The following ODAD2 variants were observed in gnomAD, a reference collection of about 807,000 sequenced individuals.
ODAD2 encodes the protein outer dynein arm-docking complex subunit 2.
ODAD2 carries 89 observed loss-of-function variants against 106.8 expected under a neutral mutation model. That is an observed-to-expected ratio of 0.83 (90% CI 0.70 to 0.99). The LOEUF is 0.99. ODAD2 is among the 50% of genes least tolerant of loss of function. The pLI is 0.00. For synonymous variants in ODAD2, 404 were observed against 436.2 expected (o/e 0.93, Z 0.92); for missense variants, 1,168 against 1,238.5 (o/e 0.94, Z 0.85).
chr10:27,988,391 G>A (rs1588668616), intron 2 of ODAD2, among the ~76,000 whole-genome samples: 1 of 146,650 alleles, frequency 6.8e-6, no homozygotes, highest in East Asian at 2.0e-4. Flanking sequence ...GGATTGGAGT[G>A]CAGTGGCGTG....
In ODAD2 at chr10:27,936,988, A is replaced by C. The variant is rs554053230; in HGVS notation, c.2098-108T>G. ...AGCTAGGAAACTTCTTTCTAGAGAG[A>C]TCATTTTCGAAAGATGCCTCCAAGT... On this transcript the variant is annotated intron_variant, in intron 14 of 19. Coordinates refer to ENST00000305242, the MANE Select transcript of ODAD2 (RefSeq NM_018076.5). The C allele has an allele frequency of 4.9e-3, 5,484 of 1,117,500 alleles. 20 individuals are homozygous for C. Among genetic ancestry groups the C allele is most frequent in the Non-Finnish European group, 6.3e-3 (5,057 of 802,804 alleles). The allele number at this position is 1,117,500 out of a possible 1,614,324, so 69.2% of individuals were successfully genotyped here.
At chr10:27,857,332 G>C (rs1031204024) in intron 19 of ODAD2, among the ~76,000 whole-genome samples, 3 of 151,978 alleles carry the variant, frequency 2.0e-5, no homozygotes, top group Admixed American at 1.3e-4. Context: ...TATAACATAC[G>C]AAATATGTAT....
At chr10:27,892,810 C>T (rs941663433) in intron 17 of ODAD2, among the ~76,000 whole-genome samples, 2 of 152,182 alleles carry the variant, frequency 1.3e-5, no homozygotes, top group African/African-American at 2.4e-5. Flanking sequence ...ACTTCGTTGC[C>T]TGGCTCAATC....
In ODAD2 at chr10:27,902,173, A is replaced by C. The variant is rs548418232; in HGVS notation, c.2610+5490T>G. Reference sequence around the variant, plus strand: ...AAACTCTCTCAAAACCACACAACTAAATGGAAACTGAACAACCTGCTCCTG... The same window carrying C: ...AAACTCTCTCAAAACCACACAACTACATGGAAACTGAACAACCTGCTCCTG... On this transcript the variant is annotated intron_variant, in intron 17 of 19. Coordinates refer to ENST00000305242, the MANE Select transcript of ODAD2 (RefSeq NM_018076.5). 1.7e-3 allele frequency among the ~76,000 whole-genome samples: 255 copies of C among 152,230 alleles called. 2 individuals carry two copies. Among genetic ancestry groups the C allele is most frequent in the African/African-American group, 5.8e-3 (242 of 41,552 alleles).
intron 16 of ODAD2, among the ~76,000 whole-genome samples, chr10:27,912,256 A>G (rs1276384148): frequency 1.3e-5 from 2 of 152,176 alleles, no homozygotes; most frequent in Non-Finnish European, 2.9e-5. Flanking sequence ...TTGCATAGCA[A>G]TAGAATCCTA....
chr10:27,814,481 TGCC>T (rs916885504), intron 19 of ODAD2, among the ~76,000 whole-genome samples: 4 of 152,214 alleles, frequency 2.6e-5, no homozygotes, highest in African/African-American at 9.6e-5. Context: ...TTCCTTGGCC[TGCC>T]ATTGTCACTG....
At chr10:27,848,673 T>A (rs1403043659) in intron 19 of ODAD2, among the ~76,000 whole-genome samples, 2 of 152,206 alleles carry the variant, frequency 1.3e-5, no homozygotes, top group Non-Finnish European at 2.9e-5. Flanking sequence ...GACGAAGGGC[T>A]AATATCCAGA....
chr10:27,883,240 G>C (rs1474675890), intron 17 of ODAD2, among the ~76,000 whole-genome samples: 1 of 152,018 alleles, frequency 6.6e-6, no homozygotes, highest in Non-Finnish European at 1.5e-5. Context: ...AGACTTAAGA[G>C]TGCAAGGCAT....
At chr10:27,951,008 A>G (rs1847293959) in intron 10 of ODAD2, among the ~76,000 whole-genome samples, 1 of 152,168 alleles carries the variant, frequency 6.6e-6, no homozygotes, top group African/African-American at 2.4e-5. Flanking sequence ...AAAAGTTCCC[A>G]TGTCGGGATT....
intron 19 of ODAD2, among the ~76,000 whole-genome samples, chr10:27,822,169 G>C (rs1224889788): frequency 6.6e-6 from 1 of 152,208 alleles, no homozygotes; most frequent in African/African-American, 2.4e-5. Flanking sequence ...ACATCTCCTG[G>C]AAGGTGTGAC....
intron 17 of ODAD2, among the ~76,000 whole-genome samples, chr10:27,893,729 G>A (rs146187246): frequency 1.3e-5 from 2 of 152,278 alleles, no homozygotes; most frequent in East Asian, 1.9e-4. Flanking sequence ...GGGCAGTGAC[G>A]GGGAGAAAGA....
At chr10:27,944,147 C>G in intron 12 of ODAD2, 75 bp downstream of exon 12, 1 of 1,326,978 alleles carries the variant, frequency 7.5e-7, no homozygotes, top group Non-Finnish European at 1.1e-6. Context: ...TCCAGCGTGG[C>G]CAGAAAGGAC....
Position 27,885,694 on chromosome 10 carries a change from TAA to T in ODAD2, c.2610+21967_2610+21968del, listed in dbSNP as rs1315123148. On this transcript the variant is annotated intron_variant, in intron 17 of 19. Transcript: ENST00000305242. ...TAAAATATATATAATATATAATATA[TAA>T]TATATATAAAATATATATTATATAT... 1.5e-4 allele frequency among the ~76,000 whole-genome samples: 8 copies of T among 52,086 alleles called. No homozygotes were observed. In the South Asian group the frequency reaches 3.5e-3, roughly 23 times the overall value. 34.2% of individuals were successfully genotyped at this position (52,086 alleles called of 152,430 possible). A position where few individuals can be genotyped will look rare whatever the true frequency, so the allele number is the denominator to read the frequency against.
chr10:27,812,736 C>A (rs1186250144), intron 19 of ODAD2, 111 bp from the exon 20 acceptor site: 24 of 1,378,252 alleles, frequency 1.7e-5, no homozygotes, highest in Non-Finnish European at 2.3e-5. Context: ...TTAAAACCAC[C>A]AAAAAAGCAT....
At chr10:27,897,397 C>T (rs1456574615) in intron 17 of ODAD2, among the ~76,000 whole-genome samples, 10 of 152,142 alleles carry the variant, frequency 6.6e-5, no homozygotes, top group Admixed American at 2.6e-4. Flanking sequence ...CGATGTTATT[C>T]CCATGTTTGG....
intron 17 of ODAD2, among the ~76,000 whole-genome samples, chr10:27,870,500 C>A (rs925802741): frequency 6.6e-6 from 1 of 152,064 alleles, no homozygotes; most frequent in Non-Finnish European, 1.5e-5. Flanking sequence ...GCTATCCCTC[C>A]CCCATCCCCC....
At chr10:27,883,261 A>G (rs980298267) in intron 17 of ODAD2, among the ~76,000 whole-genome samples, 1 of 152,112 alleles carries the variant, frequency 6.6e-6, no homozygotes, top group Non-Finnish European at 1.5e-5. Flanking sequence ...TTAAGGAAAT[A>G]TCTGTCAACT....
intron 18 of ODAD2, 119 bp from the exon 19 acceptor site, chr10:27,860,965 G>C (rs1368234748): frequency 3.8e-6 from 3 of 794,072 alleles, no homozygotes; most frequent in Non-Finnish European, 4.1e-6. Flanking sequence ...AAAAGGGCTA[G>C]CTGGCTGACT....
At chr10:27,924,616 A>G (rs1845115625) in intron 16 of ODAD2, among the ~76,000 whole-genome samples, 1 of 109,716 alleles carries the variant, frequency 9.1e-6, no homozygotes. Flanking sequence ...ATTAGGAGGA[A>G]AAAAAAAAAA....
Sources: gnomAD v4.1 joint callset for allele counts (sites outside exome capture counted in the v4.1 genomes callset) on GRCh38, gnomAD v4.1.1 for gene constraint, MANE v1.5 for transcripts, NCBI Gene and HGNC (gene_info 2026-07-23, HGNC 2026-07-21) for gene names.